The following GDPD1 variants were observed in gnomAD, a reference collection of about 807,000 sequenced individuals.
GDPD1 encodes glycerophosphodiester phosphodiesterase domain containing 1.
GDPD1 carries 28 observed loss-of-function variants against 45.1 expected under a neutral mutation model. The ratio of observed to expected loss-of-function variants is 0.62; its 90% CI spans 0.46 to 0.85. The LOEUF (loss-of-function observed/expected upper bound fraction) is 0.85. Ranked by LOEUF, GDPD1 falls within the 40% of genes least tolerant of loss-of-function variation. GDPD1 has a pLI of 0.00. For missense variants in GDPD1, 256 were observed against 364.8 expected (o/e 0.70, Z 2.43); for synonymous variants, 139 against 131.4 (o/e 1.06, Z -0.40).
intron 2 of GDPD1, among the ~76,000 whole-genome samples, chr17:59,240,623 T>C (rs1024639866): frequency 2.6e-5 from 4 of 151,972 alleles, no homozygotes; most frequent in African/African-American, 9.7e-5. Flanking sequence ...GATGTGCCAC[T>C]ATACCTCCCT....
intron 4 of GDPD1, among the ~76,000 whole-genome samples, chr17:59,251,128 G>T (rs546116871): frequency 6.6e-6 from 1 of 152,166 alleles, no homozygotes; most frequent in Non-Finnish European, 1.5e-5. Context: ...AAATAACAAT[G>T]CTAGAACTTG....
chr17:59,264,480 G>C (rs1251521192), intron 6 of GDPD1, among the ~76,000 whole-genome samples: 2 of 151,828 alleles, frequency 1.3e-5, no homozygotes, highest in African/African-American at 4.8e-5. Flanking sequence ...TCTTAGTAGA[G>C]AGAGTTTCAT....
At chr17:59,251,400 T>A (rs1030442211) in intron 4 of GDPD1, among the ~76,000 whole-genome samples, 15 of 151,870 alleles carry the variant, frequency 9.9e-5, no homozygotes, top group African/African-American at 3.4e-4. Flanking sequence ...GCACCTATAA[T>A]CCCAGCTACT....
At position 59,245,404 on chromosome 17, in the gene GDPD1, A is replaced by C. The variant is rs766533892; in HGVS notation, c.186-10A>C. The C allele has an allele frequency of 2.5e-6, 4 of 1,602,508 alleles. No individual in the cohort carries two copies. The highest frequency in any genetic ancestry group is 3.4e-6 in the Non-Finnish European group (4 of 1,175,134). ...AAGTGTCAGATGTCATTCTTCTTTT[A>C]TTTCTTCAGTGCGGTTAAAATCGGA... On this transcript the variant is annotated splice_polypyrimidine_tract_variant and intron_variant, in intron 2 of 9. Coordinates refer to ENST00000284116, the MANE Select transcript of GDPD1 (RefSeq NM_182569.4).
chr17:59,234,466 A>C (rs1460110402), intron 1 of GDPD1, 26 bp from the exon 2 acceptor site: 2 of 1,441,730 alleles, frequency 1.4e-6, no homozygotes, highest in Non-Finnish European at 9.7e-7. Flanking sequence ...GTTCAAAATA[A>C]GTAAATATAG....
intron 4 of GDPD1, among the ~76,000 whole-genome samples, chr17:59,254,510 A>C (rs1286905636): frequency 2.0e-5 from 3 of 152,154 alleles, no homozygotes; most frequent in Non-Finnish European, 2.9e-5. Flanking sequence ...AGCCTGGGTG[A>C]CAGATTGAGA....
intron 2 of GDPD1, among the ~76,000 whole-genome samples, chr17:59,241,695 G>A (rs561644491): frequency 2.6e-5 from 4 of 151,964 alleles, no homozygotes; most frequent in African/African-American, 7.2e-5. Flanking sequence ...TTGGGAGGCC[G>A]AGGCGGGTGG....
chr17:59,251,991 C>CAAAAAA (rs34224346), intron 4 of GDPD1, among the ~76,000 whole-genome samples: 2 of 60,888 alleles, frequency 3.3e-5, no homozygotes, highest in Non-Finnish European at 6.4e-5. Context: ...GACTCAGTCT[C>CAAAAAA]AAAAAAAAAA....
chr17:59,237,349 C>T (rs2047140607), intron 2 of GDPD1, among the ~76,000 whole-genome samples: 1 of 151,980 alleles, frequency 6.6e-6, no homozygotes, highest in Non-Finnish European at 1.5e-5. Flanking sequence ...TACAGTGAGC[C>T]GAGATGGCAC....
At chr17:59,221,326 G>T (rs565272802) in intron 1 of GDPD1, among the ~76,000 whole-genome samples, 58 of 152,102 alleles carry the variant, frequency 3.8e-4, no homozygotes, top group African/African-American at 1.4e-3. Flanking sequence ...AGTCCCCCGA[G>T]CCAGGGACAT....
chr17:59,264,413 C>T (rs1265123511), intron 6 of GDPD1, among the ~76,000 whole-genome samples: 1 of 152,150 alleles, frequency 6.6e-6, no homozygotes, highest in Non-Finnish European at 1.5e-5. Flanking sequence ...CCTGCCTCAG[C>T]CTCCAGACTA....
chr17:59,222,155 G>A (rs1401456504), intron 1 of GDPD1, among the ~76,000 whole-genome samples: 1 of 152,068 alleles, frequency 6.6e-6, no homozygotes, highest in African/African-American at 2.4e-5. Flanking sequence ...TATTCAAGTT[G>A]CTGTCACAGA....
Position 59,272,845 on chromosome 17 carries a change from C to A in GDPD1, c.822+9C>A. The A allele has an allele frequency of 1.9e-6, 3 of 1,613,974 alleles. No individual in the cohort carries two copies. The highest frequency in any genetic ancestry group is 2.5e-6 in the Non-Finnish European group (3 of 1,179,892). ...CTGCTCGAGGCATTCAAGTAAGTTT[C>A]TGGAATGATGCATTTTGGAAGCAGC... On this transcript the variant is annotated intron_variant, in intron 9 of 9. Coordinates refer to ENST00000284116, the MANE Select transcript of GDPD1 (RefSeq NM_182569.4).
At chr17:59,244,419 A>G (rs904727790) in intron 2 of GDPD1, among the ~76,000 whole-genome samples, 2 of 152,046 alleles carry the variant, frequency 1.3e-5, no homozygotes, top group African/African-American at 4.8e-5. Context: ...GATAGTTTCA[A>G]TCTCCTGACC....
chr17:59,227,028 TAAG>T, intron 1 of GDPD1, among the ~76,000 whole-genome samples: 1 of 152,230 alleles, frequency 6.6e-6, no homozygotes, highest in South Asian at 2.1e-4. Context: ...CTCTTTCTAT[TAAG>T]AAGAAATTGA....
chr17:59,266,190 C>T (rs1369935122), intron 6 of GDPD1, among the ~76,000 whole-genome samples: 1 of 151,758 alleles, frequency 6.6e-6, no homozygotes, highest in Non-Finnish European at 1.5e-5. Flanking sequence ...AGTTTGAGAC[C>T]AGCCTGGCCA....
intron 1 of GDPD1, among the ~76,000 whole-genome samples, chr17:59,224,351 G>C (rs1426769663): frequency 6.6e-6 from 1 of 152,096 alleles, no homozygotes; most frequent in East Asian, 1.9e-4. Flanking sequence ...GGCCGAGCAA[G>C]GTGGCTCATG....
intron 4 of GDPD1, among the ~76,000 whole-genome samples, chr17:59,255,187 A>T (rs1343132442): frequency 6.6e-6 from 1 of 152,168 alleles, no homozygotes; most frequent in Admixed American, 6.6e-5. Context: ...AAGGATTTTC[A>T]CCATTTTGTT....
At chr17:59,259,308 C>T (rs2047333969) in intron 6 of GDPD1, among the ~76,000 whole-genome samples, 2 of 152,038 alleles carry the variant, frequency 1.3e-5, no homozygotes, top group South Asian at 4.2e-4. Flanking sequence ...TGGCTCACGC[C>T]TGTAATCCCA....
Sources: allele counts gnomAD v4.1 joint callset (sites outside exome capture counted in the v4.1 genomes callset), GRCh38; gene constraint gnomAD v4.1.1; transcripts MANE v1.5; gene names NCBI Gene and HGNC (gene_info 2026-07-23, HGNC 2026-07-21).